FBXL13: variants seen among roughly 807,000 people sequenced by gnomAD.
FBXL13 encodes the protein F-box and leucine-rich repeat protein 13.
In FBXL13, 67 loss-of-function variants were observed where a neutral mutation model predicts 83.6. The ratio of observed to expected loss-of-function variants is 0.80; its 90% CI spans 0.66 to 0.98. The LOEUF (loss-of-function observed/expected upper bound fraction) is 0.98, where lower values mean the gene tolerates loss of function less well. FBXL13 is among the 50% of genes least tolerant of loss of function. The pLI is 0.00. For synonymous variants in FBXL13, 272 were observed against 299.5 expected, an observed-to-expected ratio of 0.91 and a Z score of 0.95; for missense variants, 822 against 866.5, an observed-to-expected ratio of 0.95 and a Z score of 0.64.
At chr7:102,899,557 A>G (rs1033510283) in intron 11 of FBXL13, among the ~76,000 whole-genome samples, 4 of 152,102 alleles carry the variant, frequency 2.6e-5, no homozygotes, top group African/African-American at 9.7e-5. Context: ...ATATTTCCCA[A>G]TGTTAAGTAT....
intron 6 of FBXL13, among the ~76,000 whole-genome samples, chr7:102,994,766 C>G (rs1246110499): frequency 6.6e-6 from 1 of 152,172 alleles, no homozygotes; most frequent in Non-Finnish European, 1.5e-5. Context: ...GTCAATGCTG[C>G]TGGCTTCTGA....
chr7:102,813,397 G>T (rs1193266666), exon 20 of FBXL13: 8 of 1,613,868 alleles, frequency 5.0e-6, no homozygotes, highest in Admixed American at 3.3e-5. Flanking sequence ...TAATTCTAAG[G>T]CTCCTTTAGA....
rs918326882 is a variant in FBXL13, at chr7:102,883,216, A to AC, written c.1388+88dup. ...ACATGAACTCTTGACTTTCATGTTT[A>AC]CCCCACAAACCATAAGTTCCTTAGG... On this transcript the variant is annotated intron_variant, in intron 14 of 19. Transcript: ENST00000313221. 14 of 1,272,798 alleles carry AC rather than the reference A, an allele frequency of 1.1e-5. No individual in the cohort carries two copies. The African/African-American group carries it at 1.5e-4, about 14-fold the overall frequency. 78.8% of individuals were successfully genotyped at this position (1,272,798 alleles called of 1,614,324 possible). A position where few individuals can be genotyped will look rare whatever the true frequency, so the allele number is the denominator to read the frequency against.
At chr7:103,073,978 A>C (rs1289359836) in intron 1 of FBXL13, among the ~76,000 whole-genome samples, 1 of 152,182 alleles carries the variant, frequency 6.6e-6, no homozygotes, top group Non-Finnish European at 1.5e-5. Context: ...TAGAGAAAAA[A>C]AGAGGTCAAC....
chr7:103,072,057 C>T (rs987188317), intron 1 of FBXL13, among the ~76,000 whole-genome samples: 2 of 151,954 alleles, frequency 1.3e-5, no homozygotes, highest in African/African-American at 2.4e-5. Context: ...GTGGCAGGTG[C>T]CTGTAGTCCC....
chr7:103,015,662 T>C (rs1792206480), intron 6 of FBXL13, among the ~76,000 whole-genome samples: 1 of 152,058 alleles, frequency 6.6e-6, no homozygotes, highest in Non-Finnish European at 1.5e-5. Context: ...CTGGGTTTGG[T>C]GGCCCATGCC....
intron 8 of FBXL13, among the ~76,000 whole-genome samples, chr7:102,958,973 C>G (rs1824742560): frequency 6.6e-6 from 1 of 152,048 alleles, no homozygotes; most frequent in South Asian, 2.1e-4. Context: ...ATGAACAAGA[C>G]TCCTGCATAT....
chr7:102,867,693 A>T lies in FBXL13; in HGVS notation c.1635+9774T>A, dbSNP rs1173526493. Among the ~76,000 whole-genome samples the T allele has an allele frequency of 4.9e-3, 327 of 66,408 alleles. 1 individual carries two copies. The highest frequency in any genetic ancestry group is 0.015 in the African/African-American group (140 of 9,456). 43.6% of individuals were successfully genotyped at this position (66,408 alleles called of 152,430 possible). A position where few individuals can be genotyped will look rare whatever the true frequency, so the allele number is the denominator to read the frequency against. ...CATATATATATATATATATATATATATATTTTTTTTTTTTTTTTTTTTTTT... is the reference window on the plus strand; with the variant it reads ...CATATATATATATATATATATATATTTATTTTTTTTTTTTTTTTTTTTTTT... On this transcript the variant is annotated intron_variant, in intron 16 of 19. Coordinates refer to ENST00000313221, the Ensembl canonical transcript of FBXL13.
At chr7:103,043,028 C>T (rs1327266232) in intron 2 of FBXL13, among the ~76,000 whole-genome samples, 1 of 152,170 alleles carries the variant, frequency 6.6e-6, no homozygotes, top group East Asian at 1.9e-4. Context: ...TCAGAGTGAA[C>T]AGGCAACCTG....
At chr7:102,974,862 C>T (rs1339416910) in intron 6 of FBXL13, among the ~76,000 whole-genome samples, 4 of 152,122 alleles carry the variant, frequency 2.6e-5, no homozygotes, top group African/African-American at 9.7e-5. Context: ...TTCCCAGCCC[C>T]CATCTTCCCA....
At chr7:103,030,032 T>C (rs896875701) in intron 2 of FBXL13, 1 of 152,204 alleles carries the variant, frequency 6.6e-6, no homozygotes, top group African/African-American at 2.4e-5. Flanking sequence ...ATAAGTATTA[T>C]ATGCACATGG....
In FBXL13 at chr7:102,887,414, T is replaced by C. The variant is rs201262148; in HGVS notation, c.1009-3102A>G. Among the ~76,000 whole-genome samples, 13 of 148,704 alleles carry C rather than the reference T, an allele frequency of 8.7e-5. No homozygotes were observed. The East Asian group carries it at 1.4e-3, about 16-fold the overall frequency. On this transcript the variant is annotated intron_variant, in intron 11 of 19. Transcript: ENST00000313221. ...TTACATCCAAGTATATATACATACA[T>C]ACACACACACACACACACACACACA...
chr7:102,812,541 G>A (rs17396029), downstream of FBXL13, among the ~76,000 whole-genome samples: 4,171 of 152,190 alleles, frequency 0.027, 73 homozygotes, highest in Middle Eastern at 0.044. Context: ...TAAATGTCTG[G>A]AAACCACAGA....
intron 8 of FBXL13, among the ~76,000 whole-genome samples, chr7:102,943,244 T>A (rs1821800607): frequency 6.6e-6 from 1 of 152,162 alleles, no homozygotes; most frequent in South Asian, 2.1e-4. Flanking sequence ...ACCCGGCACA[T>A]TTTTCATTTT....
chr7:102,826,059 G>A (rs1248417766), intron 18 of FBXL13, among the ~76,000 whole-genome samples: 1 of 151,842 alleles, frequency 6.6e-6, no homozygotes, highest in Non-Finnish European at 1.5e-5. Context: ...TTTTTTTTTA[G>A]TAGGACCTCT....
Position 102,867,431 on chromosome 7 carries a change from A to C in FBXL13, c.1635+10036T>G, listed in dbSNP as rs140204301. 8.5e-4 allele frequency among the ~76,000 whole-genome samples: 129 copies of C among 152,054 alleles called. 1 individual carries two copies. Among genetic ancestry groups the C allele is most frequent in the Middle Eastern group, 3.4e-3 (1 of 294 alleles). On this transcript the variant is annotated intron_variant, in intron 16 of 19. Transcript: ENST00000313221. ...GGACAAGTAGTGGAGAAGGTGTTTC[A>C]GACAGAGGGAATAACTTGTAGAGAT... is the stretch of plus-strand genomic sequence containing the variant.
At chr7:102,912,684 C>T (rs73714534) in intron 11 of FBXL13, among the ~76,000 whole-genome samples, 3 of 114,432 alleles carry the variant, frequency 2.6e-5, no homozygotes, top group Non-Finnish European at 5.5e-5. Flanking sequence ...CCCCCCCCCC[C>T]AAAAAAAAAC....
chr7:102,856,534 T>C (rs987449357), intron 16 of FBXL13, among the ~76,000 whole-genome samples: 7 of 152,200 alleles, frequency 4.6e-5, no homozygotes, highest in African/African-American at 1.7e-4. Flanking sequence ...AAATATGACA[T>C]ATAACAACAT....
At chr7:103,073,905 C>A (rs1799316654) in intron 1 of FBXL13, among the ~76,000 whole-genome samples, 1 of 152,174 alleles carries the variant, frequency 6.6e-6, no homozygotes, top group Admixed American at 6.5e-5. Context: ...CCTCCTACTG[C>A]ACCAACATCC....
Sources: gnomAD v4.1 joint callset for allele counts (sites outside exome capture counted in the v4.1 genomes callset) on GRCh38, gnomAD v4.1.1 for gene constraint, MANE v1.5 for transcripts, NCBI Gene and HGNC (gene_info 2026-07-23, HGNC 2026-07-21) for gene names.